The following FOLR1 variants were observed in gnomAD, a reference collection of about 807,000 sequenced individuals.
FOLR1 encodes the protein KB cells FBP.
FOLR1 carries 11 observed loss-of-function variants against 22.8 expected under a neutral mutation model. The observed-to-expected ratio is 0.48, with a 90% confidence interval of 0.30 to 0.80. The LOEUF (loss-of-function observed/expected upper bound fraction) is 0.80, where lower values mean the gene tolerates loss of function less well. Among genes scored for constraint, FOLR1 ranks in the 30% least tolerant of loss-of-function variants. The probability of loss-of-function intolerance (pLI) is 0.06; values close to 1 mark genes in which losing one functional copy is unlikely to be tolerated. For missense variants in FOLR1, 273 were observed against 320.3 expected, an observed-to-expected ratio of 0.85 and a Z score of 1.13; for synonymous variants, 108 against 116.5, an observed-to-expected ratio of 0.93 and a Z score of 0.47.
At chr11:72,192,064 C>T, upstream of FOLR1, 1 of 1,246,796 alleles carries the variant, frequency 8.0e-7, no homozygotes, top group South Asian at 1.2e-5. Flanking sequence ...GCTCTATCTG[C>T]CCCAGGCTTC....
At position 72,195,669 on chromosome 11, in the gene FOLR1, T is replaced by G. The variant is rs772484521; in HGVS notation, c.415T>G (p.Cys139Gly). The G allele has an allele frequency of 6.2e-7, 1 of 1,614,186 alleles. No individual in the cohort carries two copies. Residue 139 changes from cysteine to glycine, a missense_variant, in exon 3 of 4, where the codon TGT (cysteine) becomes GGT (glycine). Physicochemically the swap from Cys to Gly is radical, Grantham distance 159. Transcript: ENST00000393676. ...GAACGTGCCCCTGTGCAAAGAGGAC[T>G]GTGAGCAATGGTGGGAAGATTGTCG... ...VLNVPLCKED[C>G]EQWWEDCRTS...
At chr11:72,193,475 T>G (rs1948184322) in intron 1 of FOLR1, among the ~76,000 whole-genome samples, 1 of 151,270 alleles carries the variant, frequency 6.6e-6, no homozygotes, top group Non-Finnish European at 1.5e-5. Context: ...AGATAGAGTT[T>G]TGCTCTTGTT....
In FOLR1 at chr11:72,195,906, A is replaced by T; in HGVS notation, c.503A>T (p.Lys168Met). ...KGWNWTSGFN[K>M]CAVGAACQPF... ...TCCCTCCTCTCTACAGGGTTTAACA[A>T]GTGCGCAGTGGGAGCTGCCTGCCAA... is the stretch of plus-strand genomic sequence containing the variant. Residue 168 changes from lysine (K) to methionine (M), a missense_variant, in exon 4 of 4, where the codon AAG (lysine) becomes ATG (methionine). Transcript: ENST00000393676. 1.2e-6 allele frequency: 2 copies of T among 1,614,200 alleles called. No homozygotes were observed. Among genetic ancestry groups the T allele is most frequent in the Non-Finnish European group, 1.7e-6 (2 of 1,180,032 alleles).
chr11:72,196,298 C>A lies in FOLR1; in HGVS notation c.*121C>A. 1.0e-6 allele frequency: 1 copy of A among 963,302 alleles called. No homozygotes were observed. Among genetic ancestry groups the A allele is most frequent in the Non-Finnish European group, 1.6e-6 (1 of 609,356 alleles). The allele number at this position is 963,302 out of a possible 1,614,324, so 59.7% of individuals were successfully genotyped here. A position where few individuals can be genotyped will look rare whatever the true frequency, so the allele number is the denominator to read the frequency against. ...GCCACTTTGAATAAACCAGACACCG[C>A]ACATGTGTCTTGAGAATTATTTGGA... On this transcript the variant is annotated 3_prime_UTR_variant, in exon 4 of 4. Coordinates refer to ENST00000393676, the MANE Select transcript of FOLR1 (RefSeq NM_016729.3).
Position 72,192,349 on chromosome 11 carries a change from A to G in FOLR1, c.168+8A>G. 3 of 1,613,846 alleles carry G rather than the reference A, an allele frequency of 1.9e-6. No homozygotes were observed. The highest frequency in any genetic ancestry group is 2.5e-6 in the Non-Finnish European group (3 of 1,179,996). On this transcript the variant is annotated splice_region_variant and intron_variant, in intron 1 of 3. Transcript: ENST00000393676. ...GACAAGTTGCATGAGCAGGTGGGCC[A>G]GGGGGTGATCTGGGGTGGTGAGGGA...
chr11:72,191,163 C>T (rs908308646), upstream of FOLR1, among the ~76,000 whole-genome samples: 3 of 152,070 alleles, frequency 2.0e-5, no homozygotes, highest in Non-Finnish European at 2.9e-5. Context: ...TCCCCAAGGC[C>T]CCAGGGCTGT....
chr11:72,191,249 C>A (rs1277103555), upstream of FOLR1, among the ~76,000 whole-genome samples: 1 of 152,082 alleles, frequency 6.6e-6, no homozygotes, highest in African/African-American at 2.4e-5. Context: ...CCGGGAAGGG[C>A]CTACTAAACT....
chr11:72,193,653 G>A (rs1478004908), intron 1 of FOLR1, among the ~76,000 whole-genome samples: 1 of 151,944 alleles, frequency 6.6e-6, no homozygotes, highest in African/African-American at 2.4e-5. Flanking sequence ...TAGAGATGGG[G>A]GTTTCACCAT....
chr11:72,189,730 A>G (rs971954871), upstream of FOLR1: 1 of 152,544 alleles, frequency 6.6e-6, no homozygotes, highest in Non-Finnish European at 1.5e-5. Flanking sequence ...CAGAAGCCTG[A>G]GCCAGACGGA....
At chr11:72,192,008 C>A (rs780110618), upstream of FOLR1, 50 of 719,858 alleles carry the variant, frequency 6.9e-5, no homozygotes, top group Non-Finnish European at 1.1e-4. Context: ...GGTGTCTAAT[C>A]CTACCTTTCA....
Position 72,192,285 on chromosome 11 carries a change from A to G in FOLR1, c.112A>G (p.Met38Val), listed in dbSNP as rs1483857647. ...WARTELLNVC[M>V]NAKHHKEKPG... is the part of the protein sequence containing the mutation. ...CAGGACTGAGCTTCTCAATGTCTGC[A>G]TGAACGCCAAGCACCACAAGGAAAA... The change falls in exon 1 of 4, where the codon ATG (methionine) becomes GTG (valine). Residue 38 changes from methionine (M) to valine (V), a missense_variant. Transcript: ENST00000393676. 1.2e-6 allele frequency: 2 copies of G among 1,614,170 alleles called. No individual in the cohort carries two copies. Among genetic ancestry groups the G allele is most frequent in the Non-Finnish European group, 1.7e-6 (2 of 1,180,032 alleles).
At chr11:72,193,771 TTTTATTTA>T (rs57593168) in intron 1 of FOLR1, among the ~76,000 whole-genome samples, 6 of 147,946 alleles carry the variant, frequency 4.1e-5, no homozygotes, top group South Asian at 2.2e-4. Flanking sequence ...TAAGTGCACA[TTTTATTTA>T]TTTATTTATT....
chr11:72,190,521 G>C (rs780024181), upstream of FOLR1: 2 of 152,152 alleles, frequency 1.3e-5, no homozygotes, highest in Non-Finnish European at 2.9e-5. Flanking sequence ...GGCTGGGGTC[G>C]GGACAGGTTG....
At chr11:72,190,911 A>C (rs1309341639), upstream of FOLR1, among the ~76,000 whole-genome samples, 2 of 152,234 alleles carry the variant, frequency 1.3e-5, no homozygotes, top group Non-Finnish European at 2.9e-5. Flanking sequence ...GGGGCAAGGC[A>C]AGCTTGTGAG....
At position 72,195,277 on chromosome 11, in the gene FOLR1, C is replaced by T; in HGVS notation, c.175C>T (p.Pro59Ser). The T allele has an allele frequency of 8.7e-6, 14 of 1,613,968 alleles. No homozygotes were observed. The highest frequency in any genetic ancestry group is 1.1e-5 in the Non-Finnish European group (13 of 1,180,006). The change falls in exon 2 of 4, where the codon CCC becomes TCC. Residue 59 changes from proline to serine, a missense_variant. Physicochemically the swap from Pro to Ser is moderately conservative, Grantham distance 74. Transcript: ENST00000393676. ...TCTGTCTTCCCCCATCCAGTGTCGACCCTGGAGGAAGAATGCCTGCTGTTC... is the reference window on the plus strand; with the variant it reads ...TCTGTCTTCCCCCATCCAGTGTCGATCCTGGAGGAAGAATGCCTGCTGTTC... ...PEDKLHEQCRPWRKNACCSTN... is the reference protein window; with the variant it reads ...PEDKLHEQCRSWRKNACCSTN...
intron 1 of FOLR1, among the ~76,000 whole-genome samples, chr11:72,194,040 C>T (rs1948194189): frequency 6.6e-6 from 1 of 152,130 alleles, no homozygotes; most frequent in Non-Finnish European, 1.5e-5. Flanking sequence ...ACCTCCACCT[C>T]CCAAAGTGCT....
chr11:72,191,953 C>T (rs184341962), upstream of FOLR1: 29 of 568,448 alleles, frequency 5.1e-5, no homozygotes, highest in South Asian at 1.4e-4. Flanking sequence ...ACCTGAACCT[C>T]GTGACCACCT....
intron 1 of FOLR1, among the ~76,000 whole-genome samples, chr11:72,193,377 A>AAGGAAAGGGAGGG (rs1195000883): frequency 2.6e-4 from 38 of 145,790 alleles, no homozygotes; most frequent in Admixed American, 8.2e-4. Flanking sequence ...GAAGGGGAGG[A>AAGGAAAGGGAGGG]AGGAAAGGGA....
intron 2 of FOLR1, 49 bp from the exon 3 acceptor site, chr11:72,195,563 T>C: frequency 6.2e-7 from 1 of 1,613,944 alleles, no homozygotes. Flanking sequence ...GGGGCTGAGT[T>C]GCTGGGATTC....
Sources: allele counts gnomAD v4.1 joint callset (sites outside exome capture counted in the v4.1 genomes callset), GRCh38; gene constraint gnomAD v4.1.1; transcripts MANE v1.5; gene names NCBI Gene and HGNC (gene_info 2026-07-23, HGNC 2026-07-21).